The following PTPRT variants were observed in gnomAD, a reference collection of about 807,000 sequenced individuals.
The protein encoded by PTPRT is receptor-type tyrosine-protein phosphatase T.
PTPRT carries 56 observed loss-of-function variants against 176.8 expected under a neutral mutation model. The observed-to-expected ratio is 0.32, with a 90% confidence interval of 0.26 to 0.40. The LOEUF (loss-of-function observed/expected upper bound fraction) is 0.40, where lower values mean the gene tolerates loss of function less well. PTPRT is among the 10% of genes least tolerant of loss of function. The pLI, the probability that PTPRT is intolerant of heterozygous loss-of-function variation, is 1.00. For synonymous variants in PTPRT, 783 were observed against 739.0 expected (o/e 1.06, Z -0.96); for missense variants, 1,540 against 1,908.2 (o/e 0.81, Z 3.60).
chr20:43,114,491 A>C (rs987542457), intron 1 of PTPRT, among the ~76,000 whole-genome samples: 2 of 152,242 alleles, frequency 1.3e-5, no homozygotes, highest in African/African-American at 4.8e-5. Flanking sequence ...AGTCCCTGGA[A>C]TAATGCAGCA....
intron 16 of PTPRT, among the ~76,000 whole-genome samples, chr20:42,165,477 G>C (rs1989786376): frequency 1.3e-5 from 2 of 152,194 alleles, no homozygotes; most frequent in African/African-American, 4.8e-5. Context: ...CATGGGGTTT[G>C]GCAATCTGGA....
chr20:43,007,881 C>A (rs986839265), intron 1 of PTPRT, among the ~76,000 whole-genome samples: 1 of 152,186 alleles, frequency 6.6e-6, no homozygotes, highest in Non-Finnish European at 1.5e-5. Context: ...CCTCTCTTTG[C>A]CTGAGTTTCC....
chr20:42,451,559 A>G (rs2070828008), intron 8 of PTPRT, among the ~76,000 whole-genome samples: 1 of 152,200 alleles, frequency 6.6e-6, no homozygotes, highest in Non-Finnish European at 1.5e-5. Context: ...AGAATTAACA[A>G]TTAGGAGGAA....
At chr20:42,542,435 T>C (rs777783635) in intron 7 of PTPRT, among the ~76,000 whole-genome samples, 1 of 152,142 alleles carries the variant, frequency 6.6e-6, no homozygotes, top group Non-Finnish European at 1.5e-5. Flanking sequence ...TTTGAAAAGA[T>C]GGTCAAATTC....
At chr20:43,122,023 C>A (rs761488174) in intron 1 of PTPRT, among the ~76,000 whole-genome samples, 6 of 152,140 alleles carry the variant, frequency 3.9e-5, no homozygotes, top group Non-Finnish European at 8.8e-5. Flanking sequence ...GATCACCTAG[C>A]TATTCCTCAG....
intron 1 of PTPRT, among the ~76,000 whole-genome samples, chr20:43,177,269 T>C (rs1339223104): frequency 6.6e-6 from 1 of 152,196 alleles, no homozygotes; most frequent in African/African-American, 2.4e-5. Context: ...TCTCCCTTCA[T>C]CCATTTGGAC....
chr20:42,648,784 T>G (rs2074964321), intron 7 of PTPRT, among the ~76,000 whole-genome samples: 1 of 151,430 alleles, frequency 6.6e-6, no homozygotes, highest in Non-Finnish European at 1.5e-5. Context: ...GTGGGTAATT[T>G]CTAAAGGAAA....
intron 16 of PTPRT, among the ~76,000 whole-genome samples, chr20:42,174,301 A>T (rs907787397): frequency 6.6e-6 from 1 of 152,132 alleles, no homozygotes; most frequent in African/African-American, 2.4e-5. Flanking sequence ...GCATGAAGGG[A>T]GTGATAAGGG....
At chr20:43,126,665 T>G (rs2013449938) in intron 1 of PTPRT, among the ~76,000 whole-genome samples, 1 of 152,178 alleles carries the variant, frequency 6.6e-6, no homozygotes, top group African/African-American at 2.4e-5. Flanking sequence ...GGCTTGAAAA[T>G]TACTATATTA....
At chr20:42,574,650 C>G (rs543656379) in intron 7 of PTPRT, among the ~76,000 whole-genome samples, 259 of 152,166 alleles carry the variant, frequency 1.7e-3, no homozygotes, top group African/African-American at 5.9e-3. Context: ...AGAAAGGCTT[C>G]TAGGGCTTCA....
intron 18 of PTPRT, among the ~76,000 whole-genome samples, chr20:42,131,028 G>A (rs936843570): frequency 5.9e-5 from 9 of 152,174 alleles, no homozygotes; most frequent in South Asian, 2.1e-4. Context: ...GCAAGCTTCC[G>A]AAGTTACGCA....
chr20:42,363,965 A>G (rs1026035970), intron 9 of PTPRT, among the ~76,000 whole-genome samples: 11 of 152,220 alleles, frequency 7.2e-5, no homozygotes, highest in Non-Finnish European at 1.3e-4. Flanking sequence ...GATCAGCTAG[A>G]GTGCAAAGAC....
chr20:42,145,783 C>T (rs1171166720), intron 17 of PTPRT, among the ~76,000 whole-genome samples: 1 of 152,146 alleles, frequency 6.6e-6, no homozygotes, highest in Non-Finnish European at 1.5e-5. Flanking sequence ...TAATAAAGTG[C>T]CTTCCTAGCT....
chr20:42,620,864 C>G (rs558774239), intron 7 of PTPRT, among the ~76,000 whole-genome samples: 2 of 152,160 alleles, frequency 1.3e-5, no homozygotes, highest in Non-Finnish European at 2.9e-5. Context: ...GAGATAAACC[C>G]GGTACCTCAG....
At chr20:42,462,493 G>A (rs1277415544) in intron 8 of PTPRT, among the ~76,000 whole-genome samples, 1 of 152,176 alleles carries the variant, frequency 6.6e-6, no homozygotes, top group Non-Finnish European at 1.5e-5. Flanking sequence ...TAACTGGAAT[G>A]ATCAGTCAAG....
chr20:42,665,278 G>C (rs2075294570), intron 7 of PTPRT, among the ~76,000 whole-genome samples: 1 of 152,114 alleles, frequency 6.6e-6, no homozygotes, highest in South Asian at 2.1e-4. Flanking sequence ...ATCAAAAGTG[G>C]GCAAAGGATA....
chr20:42,338,859 T>A (rs1250233882), intron 11 of PTPRT, among the ~76,000 whole-genome samples: 1 of 152,114 alleles, frequency 6.6e-6, no homozygotes, highest in East Asian at 1.9e-4. Flanking sequence ...ACCTCTGAAC[T>A]GTCTGAAGGT....
chr20:43,117,487 A>G (rs2013103672), intron 1 of PTPRT, among the ~76,000 whole-genome samples: 2 of 152,088 alleles, frequency 1.3e-5, no homozygotes, highest in African/African-American at 2.4e-5. Context: ...GACATACTCA[A>G]AAGACTTTTG....
At chr20:42,859,945 T>C (rs1275720234) in intron 2 of PTPRT, among the ~76,000 whole-genome samples, 2 of 152,146 alleles carry the variant, frequency 1.3e-5, no homozygotes, top group African/African-American at 2.4e-5. Context: ...AAAGATATAA[T>C]ATTTTTCTTT....
Sources: allele counts gnomAD v4.1 joint callset (sites outside exome capture counted in the v4.1 genomes callset), GRCh38; gene constraint gnomAD v4.1.1; transcripts MANE v1.5; gene names NCBI Gene and HGNC (gene_info 2026-07-23, HGNC 2026-07-21).